The following PCSK6 variants were observed in gnomAD, a reference collection of about 807,000 sequenced individuals.
The protein encoded by PCSK6 is paired basic amino acid cleaving enzyme 4.
A neutral mutation model predicts 123.3 loss-of-function variants in PCSK6; 85 were observed. The observed-to-expected ratio is 0.69, with a 90% CI of 0.58 to 0.83. PCSK6 has a LOEUF of 0.83. Ranked by LOEUF, PCSK6 falls within the 40% of genes least tolerant of loss-of-function variation. PCSK6 has a pLI of 0.00. For missense variants in PCSK6, 1,191 were observed against 1,282.3 expected (o/e 0.93, Z 1.09); for synonymous variants, 508 against 516.0 (o/e 0.98, Z 0.21).
At chr15:101,425,677 T>C (rs2056232625) in intron 6 of PCSK6, among the ~76,000 whole-genome samples, 1 of 152,174 alleles carries the variant, frequency 6.6e-6, no homozygotes, top group South Asian at 2.1e-4. Flanking sequence ...CCACAGTGCA[T>C]TGCTATTATT....
intron 1 of PCSK6, among the ~76,000 whole-genome samples, chr15:101,461,813 T>C (rs1408388841): frequency 6.6e-6 from 1 of 152,136 alleles, no homozygotes; most frequent in African/African-American, 2.4e-5. Flanking sequence ...AGAAGGAAGC[T>C]TTCTTAACCT....
At chr15:101,377,318 GA>G (rs1482513609) in intron 11 of PCSK6, among the ~76,000 whole-genome samples, 4 of 152,204 alleles carry the variant, frequency 2.6e-5, no homozygotes, top group African/African-American at 9.6e-5. Context: ...TCACAGAGGT[GA>G]GGTCTTCTAA....
intron 2 of PCSK6, among the ~76,000 whole-genome samples, chr15:101,436,796 G>A (rs576610143): frequency 6.6e-5 from 10 of 152,316 alleles, no homozygotes; most frequent in African/African-American, 2.2e-4. Flanking sequence ...ACTGCTCTGA[G>A]CACCTCGCTG....
rs531895062 is a variant in PCSK6, at chr15:101,373,274, G to A, written c.1533-2751C>T. Among the ~76,000 whole-genome samples the A allele has an allele frequency of 4.5e-4, 69 of 152,250 alleles. No individual in the cohort carries two copies. In the South Asian group the frequency reaches 0.013, roughly 28 times the overall value. On this transcript the variant is annotated intron_variant, in intron 11 of 21. Coordinates refer to ENST00000611716, the MANE Select transcript of PCSK6 (RefSeq NM_002570.5). ...CTGCAGGAGTTAATGGCCTCACTTC[G>A]TTTGGTTTTCAAAGCCATGCCCTTA... is the stretch of plus-strand genomic sequence containing the variant.
At position 101,324,904 on chromosome 15, in the gene PCSK6, G is replaced by T. The variant is rs767567637; in HGVS notation, c.2323C>A (p.Gln775Lys). ...AGGGTCACACAGGTGTTCATCTCCT[G>T]GTGGTGATAGAACCCGCGGCGGCAA... ...LSCRRGFYHHQEMNTCVTLCP... is the reference protein window; with the variant it reads ...LSCRRGFYHHKEMNTCVTLCP... The change falls in exon 17 of 22, where the codon CAG (glutamine) becomes AAG (lysine). Residue 775 changes from glutamine to lysine, a missense_variant. Physicochemically the swap from Gln to Lys is moderately conservative, Grantham distance 53 (BLOSUM62 1). This residue lies in a region of PCSK6 where 630 missense variants were observed against 631.4 expected (regional missense o/e 1.00). Coordinates refer to ENST00000611716, the MANE Select transcript of PCSK6 (RefSeq NM_002570.5). 1.2e-5 allele frequency: 20 copies of T among 1,613,504 alleles called. No individual in the cohort carries two copies. The highest frequency in any genetic ancestry group is 1.7e-5 in the Non-Finnish European group (20 of 1,179,886).
At chr15:101,481,235 A>C (rs192292568) in intron 1 of PCSK6, among the ~76,000 whole-genome samples, 6 of 152,172 alleles carry the variant, frequency 3.9e-5, no homozygotes, top group Non-Finnish European at 8.8e-5. Context: ...GACGAAGGGT[A>C]CATCCGGCGG....
rs149416019 is a variant in PCSK6, at chr15:101,445,247, T to C, written c.298-1587A>G. Among the ~76,000 whole-genome samples, 177 of 152,306 alleles carry C rather than the reference T, an allele frequency of 1.2e-3. 5 individuals carry two copies. The East Asian group carries it at 0.029, about 25-fold the overall frequency. ...ACTCCCTTCTCTGGGTCTGGGATGC[T>C]TTAGCTTTTGGCCAAATCCAGGTCT... On this transcript the variant is annotated intron_variant, in intron 1 of 21. Transcript: ENST00000611716.
In PCSK6 at chr15:101,489,607, C is replaced by CGGT. The variant is rs2058125714; in HGVS notation, c.61_63dup (p.Thr21dup). The CGGT allele has an allele frequency of 1.0e-6, 1 of 975,326 alleles. No individual in the cohort carries two copies. Among genetic ancestry groups the CGGT allele is most frequent in the Non-Finnish European group, 1.2e-6 (1 of 825,506 alleles). The allele number at this position is 975,326 out of a possible 1,614,324, so 60.4% of individuals were successfully genotyped here. On this transcript the variant is annotated inframe_insertion, in exon 1 of 22. Coordinates refer to ENST00000611716, the MANE Select transcript of PCSK6 (RefSeq NM_002570.5). ...GCGCCCCCCGCGCCCGCGGCGGTGT[C>CGGT]GGTGGCGGCGGCGGCCCGGGGCGGC...
At chr15:101,340,215 G>A (rs888315634) in intron 13 of PCSK6, among the ~76,000 whole-genome samples, 5 of 152,090 alleles carry the variant, frequency 3.3e-5, no homozygotes, top group Middle Eastern at 3.4e-3. Context: ...CCACACTCAC[G>A]TACTTACCTG....
At chr15:101,480,803 G>A (rs1409441031) in intron 1 of PCSK6, among the ~76,000 whole-genome samples, 2 of 152,256 alleles carry the variant, frequency 1.3e-5, no homozygotes, top group Non-Finnish European at 2.9e-5. Context: ...ATCACAAAGA[G>A]GGTGTCCTCA....
At chr15:101,426,117 C>T (rs2056247326) in intron 6 of PCSK6, among the ~76,000 whole-genome samples, 1 of 152,136 alleles carries the variant, frequency 6.6e-6, no homozygotes, top group Admixed American at 6.5e-5. Context: ...TGGGGTCCAC[C>T]CCTCACTCAA....
intron 6 of PCSK6, among the ~76,000 whole-genome samples, chr15:101,424,643 T>C (rs769413798): frequency 1.3e-5 from 2 of 152,244 alleles, no homozygotes; most frequent in Non-Finnish European, 2.9e-5. Context: ...ATGTATTTCT[T>C]GTCATAAGTA....
chr15:101,392,593 C>CTTCTTT (rs540719293), intron 8 of PCSK6, among the ~76,000 whole-genome samples: 1 of 122,360 alleles, frequency 8.2e-6, no homozygotes, highest in East Asian at 2.2e-4. Context: ...CTCCCTTCCT[C>CTTCTTT]TTTTTTTTTT....
chr15:101,410,907 G>A (rs1381477071), intron 6 of PCSK6, among the ~76,000 whole-genome samples: 4 of 152,210 alleles, frequency 2.6e-5, no homozygotes, highest in African/African-American at 9.7e-5. Context: ...TGGATGCAAA[G>A]ATGACTACAA....
At position 101,370,511 on chromosome 15, in the gene PCSK6, TA is replaced by T; in HGVS notation, c.1544del (p.Leu515Ter). 1 of 1,503,536 alleles carries T rather than the reference TA, an allele frequency of 6.7e-7. No individual in the cohort carries two copies. Among genetic ancestry groups the T allele is most frequent in the Non-Finnish European group, 8.9e-7 (1 of 1,118,926 alleles). 93.1% of individuals were successfully genotyped at this position (1,503,536 alleles called of 1,614,324 possible). On this transcript the variant is annotated frameshift_variant, in exon 12 of 22. Transcript: ENST00000611716. LOFTEE classifies it high-confidence loss of function. ...GGGCCGTAGTCCGCAGCACCTGCAC[TA>T]AGGGGATGCTCCTGGGGGAGAAGGG... is the stretch of plus-strand genomic sequence containing the variant. ...ASDKRPRSIP[L>X]VQVLRTTALT...
intron 6 of PCSK6, among the ~76,000 whole-genome samples, chr15:101,403,503 C>T (rs2141593750): frequency 6.6e-6 from 1 of 151,298 alleles, no homozygotes; most frequent in East Asian, 1.9e-4. Context: ...TTTCTAAAAA[C>T]ACATGACTTG....
rs536945814 is a variant in PCSK6, at chr15:101,416,417, G to A, written c.823+11475C>T. Among the ~76,000 whole-genome samples, 46 of 152,348 alleles carry A rather than the reference G, an allele frequency of 3.0e-4. 1 individual carries two copies. Among genetic ancestry groups the A allele is most frequent in the Non-Finnish European group, 5.9e-5 (4 of 68,038 alleles). On this transcript the variant is annotated intron_variant, in intron 6 of 21. Transcript: ENST00000611716. Reference sequence around the variant, plus strand: ...AAAGCCATTCTGTTTTAAAAGGGAAGCAGAGCATAAAAGTTCAGAAAATCT... The same window carrying A: ...AAAGCCATTCTGTTTTAAAAGGGAAACAGAGCATAAAAGTTCAGAAAATCT...
At chr15:101,477,575 G>A (rs2057764435) in intron 1 of PCSK6, among the ~76,000 whole-genome samples, 1 of 152,216 alleles carries the variant, frequency 6.6e-6, no homozygotes, top group Admixed American at 6.5e-5. Context: ...TTATTTTGGG[G>A]TGGTGGGACT....
chr15:101,393,105 C>T lies in PCSK6; in HGVS notation c.1209+107G>A, dbSNP rs1011913205. 17 of 950,854 alleles carry T rather than the reference C, an allele frequency of 1.8e-5. No homozygotes were observed. In the African/African-American group the frequency reaches 2.8e-4, roughly 15 times the overall value. 58.9% of individuals were successfully genotyped at this position (950,854 alleles called of 1,614,324 possible). ...GAGGCTGGGACCCTGGGATCCGGAACAATCTGGCCTCAATCTAAGCCATCT... is the reference window on the plus strand; with the variant it reads ...GAGGCTGGGACCCTGGGATCCGGAATAATCTGGCCTCAATCTAAGCCATCT... On this transcript the variant is annotated intron_variant, in intron 8 of 21. Coordinates refer to ENST00000611716, the MANE Select transcript of PCSK6 (RefSeq NM_002570.5).
Sources: allele counts gnomAD v4.1 joint callset (sites outside exome capture counted in the v4.1 genomes callset), GRCh38; gene constraint gnomAD v4.1.1; regional missense constraint gnomAD v4.1.1; transcripts MANE v1.5; gene names NCBI Gene and HGNC (gene_info 2026-07-23, HGNC 2026-07-21).